Variants in FRMD3 observed in about 807,000 individuals in gnomAD.
FRMD3 encodes the protein FERM domain containing 3, also known as FERM domain-containing protein 3.
A neutral mutation model predicts 70.2 loss-of-function variants in FRMD3; 33 were observed. The observed-to-expected ratio is 0.47, with a 90% CI of 0.36 to 0.63. The LOEUF (loss-of-function observed/expected upper bound fraction) is 0.63, where lower values mean the gene tolerates loss of function less well. Among genes scored for constraint, FRMD3 ranks in the 20% least tolerant of loss-of-function variants. The probability of loss-of-function intolerance (pLI) is 0.00; values close to 1 mark genes in which losing one functional copy is unlikely to be tolerated. For missense variants in FRMD3, 632 were observed against 711.4 expected (o/e 0.89, Z 1.27); for synonymous variants, 279 against 255.9 (o/e 1.09, Z -0.86).
intron 13 of FRMD3, among the ~76,000 whole-genome samples, chr9:83,272,044 A>G (rs75610670): frequency 0.019 from 2,832 of 152,224 alleles, 81 homozygotes; most frequent in African/African-American, 0.065. Context: ...GCTCTTGTTA[A>G]GTCACTGCTC....
chr9:83,303,808 A>G (rs988796952), intron 10 of FRMD3, among the ~76,000 whole-genome samples: 4 of 152,214 alleles, frequency 2.6e-5, no homozygotes, highest in Admixed American at 1.3e-4. Flanking sequence ...ACGAAAATCA[A>G]TCACCACTAT....
At chr9:83,391,903 C>G (rs944344935) in intron 1 of FRMD3, among the ~76,000 whole-genome samples, 1 of 152,116 alleles carries the variant, frequency 6.6e-6, no homozygotes, top group South Asian at 2.1e-4. Context: ...CAGGAGGGAG[C>G]CTGTTGGAGA....
chr9:83,570,916 C>A, the FRMD3 span, among the ~76,000 whole-genome samples: 1 of 152,164 alleles, frequency 6.6e-6, no homozygotes, highest in Non-Finnish European at 1.5e-5. Context: ...GAAAGTAGGA[C>A]TGAAAAGACT....
chr9:83,334,895 T>C (rs1326368600), intron 6 of FRMD3, among the ~76,000 whole-genome samples: 1 of 152,184 alleles, frequency 6.6e-6, no homozygotes, highest in Non-Finnish European at 1.5e-5. Context: ...ATCTGTAATA[T>C]GAGAATAACA....
chr9:83,360,575 T>G lies in FRMD3; in HGVS notation c.296-10818A>C, dbSNP rs924924084. ...ATTCCTGAAGGAAGAAGAAAGCCCC[T>G]GAAAGTACTGCCCCAGAGATATAAG... On this transcript the variant is annotated intron_variant, in intron 3 of 13. Transcript: ENST00000304195. Among the ~76,000 whole-genome samples the G allele has an allele frequency of 1.3e-5, 2 of 152,182 alleles. 1 individual carries two copies. The highest frequency in any genetic ancestry group is 6.8e-3 in the Middle Eastern group (2 of 294).
At chr9:83,405,245 G>C (rs764373513) in intron 1 of FRMD3, among the ~76,000 whole-genome samples, 8 of 152,122 alleles carry the variant, frequency 5.3e-5, no homozygotes, top group Non-Finnish European at 7.3e-5. Context: ...CAGTGCCCAG[G>C]TGTGCAACAG....
At chr9:83,324,168 A>G (rs139069869) in intron 6 of FRMD3, among the ~76,000 whole-genome samples, 219 of 152,350 alleles carry the variant, frequency 1.4e-3, no homozygotes, top group Non-Finnish European at 1.8e-3. Flanking sequence ...CATAAATACA[A>G]TGTTGCTAGG....
chr9:83,550,045 A>G, the FRMD3 span, among the ~76,000 whole-genome samples: 1 of 152,054 alleles, frequency 6.6e-6, no homozygotes, highest in South Asian at 2.1e-4. Flanking sequence ...CCGGGATAGT[A>G]TTGCCTAGGT....
intron 1 of FRMD3, among the ~76,000 whole-genome samples, chr9:83,502,656 G>A (rs1829096797): frequency 6.6e-6 from 1 of 152,152 alleles, no homozygotes; most frequent in African/African-American, 2.4e-5. Flanking sequence ...AGAAGCAGAG[G>A]CAAAGGGCAG....
intron 1 of FRMD3, among the ~76,000 whole-genome samples, chr9:83,483,275 C>T (rs1828610888): frequency 6.6e-6 from 1 of 152,122 alleles, no homozygotes; most frequent in South Asian, 2.1e-4. Context: ...TCCCCTTTGC[C>T]CTTCTGCCAT....
At chr9:83,398,215 C>G (rs1324161326) in intron 1 of FRMD3, among the ~76,000 whole-genome samples, 1 of 152,062 alleles carries the variant, frequency 6.6e-6, no homozygotes, top group Non-Finnish European at 1.5e-5. Flanking sequence ...ATAAGAAAAC[C>G]TTTATTAAAC....
chr9:83,585,232 T>A, the FRMD3 span, among the ~76,000 whole-genome samples: 1 of 152,068 alleles, frequency 6.6e-6, no homozygotes. Context: ...CCATATGAAA[T>A]GGAGCCCACT....
At chr9:83,556,497 C>T in the FRMD3 span, among the ~76,000 whole-genome samples, 2,820 of 152,220 alleles carry the variant, frequency 0.019, 31 homozygotes, top group Non-Finnish European at 0.032. Flanking sequence ...TAAAATATTT[C>T]GTTTTCTTTC....
intron 13 of FRMD3, among the ~76,000 whole-genome samples, chr9:83,284,602 A>G (rs949749584): frequency 2.6e-5 from 4 of 152,180 alleles, no homozygotes; most frequent in Non-Finnish European, 5.9e-5. Context: ...GCAAGACTCC[A>G]TCTCAAAACA....
intron 1 of FRMD3, among the ~76,000 whole-genome samples, chr9:83,441,368 G>C (rs1220805422): frequency 6.6e-6 from 1 of 152,170 alleles, no homozygotes; most frequent in Non-Finnish European, 1.5e-5. Flanking sequence ...ACCAGTCGAG[G>C]ATCCTGACAC....
intron 9 of FRMD3, 82 bp downstream of exon 9, chr9:83,310,403 A>G (rs1049620107): frequency 1.6e-4 from 171 of 1,091,684 alleles, no homozygotes; most frequent in Middle Eastern, 6.0e-4. Flanking sequence ...TTTGGCGACT[A>G]CAATACTAAA....
Position 83,245,200 on chromosome 9 carries a change from T to C in FRMD3, c.*2718A>G, listed in dbSNP as rs868204893. The C allele has an allele frequency of 3.0e-6, 3 of 984,416 alleles. No homozygotes were observed. The highest frequency in any genetic ancestry group is 3.5e-5 in the African/African-American group (2 of 57,222). 61.0% of individuals were successfully genotyped at this position (984,416 alleles called of 1,614,324 possible). ...AGACACACATATATACAGATTCATATATAAACACACATATACCAATAATAT... is the reference window on the plus strand; with the variant it reads ...AGACACACATATATACAGATTCATACATAAACACACATATACCAATAATAT... On this transcript the variant is annotated 3_prime_UTR_variant, in exon 14 of 14. Transcript: ENST00000304195.
At chr9:83,512,935 A>T (rs1158515948) in intron 1 of FRMD3, among the ~76,000 whole-genome samples, 1 of 152,222 alleles carries the variant, frequency 6.6e-6, no homozygotes, top group Non-Finnish European at 1.5e-5. Context: ...TTCTTCATGG[A>T]TCCCAGTCAC....
chr9:83,419,507 TGA>T, intron 1 of FRMD3, among the ~76,000 whole-genome samples: 2 of 150,456 alleles, frequency 1.3e-5, no homozygotes, highest in Admixed American at 6.6e-5. Context: ...TCATGTGTGT[TGA>T]GTGTGTGTGA....
Sources: gnomAD v4.1 joint callset for allele counts (sites outside exome capture counted in the v4.1 genomes callset) on GRCh38, gnomAD v4.1.1 for gene constraint, MANE v1.5 for transcripts, NCBI Gene and HGNC (gene_info 2026-07-23, HGNC 2026-07-21) for gene names.